Variants in SEM1 observed in about 807,000 individuals in gnomAD.
The protein encoded by SEM1 is 26S proteasome complex subunit SEM1.
Under a neutral mutation model 12.7 loss-of-function variants are expected in SEM1, and 3 were observed. The ratio of observed to expected loss-of-function variants is 0.24; its 90% CI spans 0.11 to 0.61. SEM1 has a LOEUF of 0.61. SEM1 is among the 20% of genes least tolerant of loss of function. The pLI, the probability that SEM1 is intolerant of heterozygous loss-of-function variation, is 0.88. For missense variants in SEM1, 59 were observed against 81.3 expected (o/e 0.73, Z 1.06); for synonymous variants, 30 against 27.8 (o/e 1.08, Z -0.25).
chr7:96,506,324 G>T (rs1462566987), intron 3 of SEM1, among the ~76,000 whole-genome samples: 1 of 152,054 alleles, frequency 6.6e-6, no homozygotes, highest in East Asian at 1.9e-4. Context: ...GTCTGGATAT[G>T]GGCTTTTAAC....
At chr7:96,628,795 G>GTACT (rs1808154915) in intron 2 of SEM1, among the ~76,000 whole-genome samples, 1 of 152,142 alleles carries the variant, frequency 6.6e-6, no homozygotes, top group Non-Finnish European at 1.5e-5. Flanking sequence ...TCTGACTGAA[G>GTACT]TACTCCCTTT....
chr7:96,537,424 T>C (rs1446727952), intron 2 of SEM1, among the ~76,000 whole-genome samples: 1 of 151,754 alleles, frequency 6.6e-6, no homozygotes, highest in Non-Finnish European at 1.5e-5. Context: ...AATCTTAACA[T>C]TTTTTTCAGG....
intron 2 of SEM1, among the ~76,000 whole-genome samples, chr7:96,515,807 A>G (rs568536291): frequency 6.6e-5 from 10 of 152,244 alleles, no homozygotes; most frequent in African/African-American, 2.4e-4. Flanking sequence ...GTTCTCACTC[A>G]TAAGTAGGAG....
chr7:96,535,777 A>G (rs1467537182), intron 2 of SEM1, among the ~76,000 whole-genome samples: 2 of 151,938 alleles, frequency 1.3e-5, no homozygotes, highest in Non-Finnish European at 2.9e-5. Context: ...GTGTTGCTGT[A>G]AAGGACATGA....
intron 2 of SEM1, among the ~76,000 whole-genome samples, chr7:96,656,146 G>A (rs1809173001): frequency 6.6e-6 from 1 of 152,140 alleles, no homozygotes; most frequent in South Asian, 2.1e-4. Flanking sequence ...CAAATTCCGA[G>A]CTCAAAATTA....
chr7:96,586,804 T>C (rs578242319), intron 2 of SEM1, among the ~76,000 whole-genome samples: 25 of 152,268 alleles, frequency 1.6e-4, no homozygotes, highest in Admixed American at 2.6e-4. Context: ...ATTTTTTCCC[T>C]CTTTTTGACA....
chr7:96,633,935 G>T (rs1008585489), intron 2 of SEM1, among the ~76,000 whole-genome samples: 28 of 152,138 alleles, frequency 1.8e-4, no homozygotes, highest in African/African-American at 6.5e-4. Flanking sequence ...AGTCCACTGT[G>T]AATATTACAT....
intron 2 of SEM1, among the ~76,000 whole-genome samples, chr7:96,543,969 T>C (rs1033751877): frequency 2.0e-5 from 3 of 152,074 alleles, no homozygotes; most frequent in Non-Finnish European, 2.9e-5. Context: ...TTGAAATTCT[T>C]AATTTCTAAG....
intron 2 of SEM1, among the ~76,000 whole-genome samples, chr7:96,517,660 A>T (rs920098720): frequency 6.6e-5 from 10 of 152,222 alleles, no homozygotes; most frequent in African/African-American, 1.9e-4. Flanking sequence ...GTCTTTTTTT[A>T]AATTAACATA....
rs145403691 is a variant in SEM1, at chr7:96,520,019, A to G, written c.171-13321T>C. ...CACTTCAGTCCAAAATGGTCTGCCA[A>G]GAAGATCCTGCTGGGAAATATTTTG... On this transcript the variant is annotated intron_variant and NMD_transcript_variant, in intron 2 of 3. Transcript: ENST00000466986. Among the ~76,000 whole-genome samples the G allele has an allele frequency of 3.8e-3, 579 of 152,230 alleles. 6 individuals carry two copies. Among genetic ancestry groups the G allele is most frequent in the African/African-American group, 0.013 (543 of 41,550 alleles).
exon 2 of SEM1, chr7:96,486,359 C>A: frequency 1.3e-6 from 2 of 1,537,028 alleles, no homozygotes; most frequent in Non-Finnish European, 1.7e-6. Context: ...CCTTTTTATG[C>A]CATGCTTTCT....
chr7:96,647,807 A>G (rs1318576432), intron 2 of SEM1, among the ~76,000 whole-genome samples: 2 of 152,238 alleles, frequency 1.3e-5, no homozygotes, highest in African/African-American at 4.8e-5. Context: ...ATGTTTGATC[A>G]GGAGAGCAGG....
intron 2 of SEM1, among the ~76,000 whole-genome samples, chr7:96,570,911 G>C (rs1026442069): frequency 1.3e-5 from 2 of 149,954 alleles, no homozygotes; most frequent in Non-Finnish European, 3.0e-5. Flanking sequence ...GCATGAGATG[G>C]TATCTTACTG....
chr7:96,662,828 A>G (rs1024663212), intron 2 of SEM1, among the ~76,000 whole-genome samples: 31 of 152,214 alleles, frequency 2.0e-4, no homozygotes, highest in Non-Finnish European at 4.0e-4. Flanking sequence ...TAACTGTGCA[A>G]AAGCAAAAAA....
chr7:96,666,666 A>G (rs1789181455), intron 2 of SEM1, among the ~76,000 whole-genome samples: 1 of 146,002 alleles, frequency 6.8e-6, no homozygotes. Flanking sequence ...CCTCAACCAT[A>G]AAGATGTACA....
At chr7:96,709,247 T>C (rs76916455) in intron 1 of SEM1, among the ~76,000 whole-genome samples, 1,683 of 152,328 alleles carry the variant, frequency 0.011, 34 homozygotes, top group African/African-American at 0.037. Flanking sequence ...TGAGGCTTCA[T>C]TTGTAACATC....
intron 2 of SEM1, among the ~76,000 whole-genome samples, chr7:96,564,595 G>A (rs1805791213): frequency 6.6e-6 from 1 of 151,922 alleles, no homozygotes; most frequent in African/African-American, 2.4e-5. Flanking sequence ...GATGGCTGGG[G>A]CTTCTTTCTT....
chr7:96,570,335 T>C (rs1805980273), intron 2 of SEM1, among the ~76,000 whole-genome samples: 1 of 152,040 alleles, frequency 6.6e-6, no homozygotes, highest in Admixed American at 6.6e-5. Context: ...CCTAATGCTA[T>C]CTCTCCCCTA....
At chr7:96,527,332 G>A (rs532261060) in intron 2 of SEM1, among the ~76,000 whole-genome samples, 1 of 152,052 alleles carries the variant, frequency 6.6e-6, no homozygotes, top group African/African-American at 2.4e-5. Flanking sequence ...TGCGGCAAAG[G>A]CCCCTGGGTA....
Sources: allele counts gnomAD v4.1 joint callset (sites outside exome capture counted in the v4.1 genomes callset), GRCh38; gene constraint gnomAD v4.1.1; transcripts MANE v1.5; gene names NCBI Gene and HGNC (gene_info 2026-07-23, HGNC 2026-07-21).